MAN2B1: variants seen among roughly 807,000 people sequenced by gnomAD.
MAN2B1 encodes lysosomal alpha-mannosidase.
Under a neutral mutation model 127.5 loss-of-function variants are expected in MAN2B1, and 99 were observed. That is an observed-to-expected ratio of 0.78 (90% CI 0.66 to 0.92). MAN2B1 has a LOEUF of 0.92. MAN2B1 is among the 40% of genes least tolerant of loss of function. The pLI is 0.00. For missense variants in MAN2B1, 1,304 were observed against 1,384.8 expected (o/e 0.94, Z 0.93); for synonymous variants, 573 against 568.8 (o/e 1.01, Z -0.11).
rs1308687013 is a variant in MAN2B1, at chr19:12,652,431, T to C, written c.1860A>G (p.Thr620=). The change falls in exon 15 of 24, where the codon ACA becomes ACG. Residue 620 remains threonine, a synonymous_variant. Coordinates refer to ENST00000456935, the MANE Select transcript of MAN2B1 (RefSeq NM_000528.4). ...EHIRATFDPD[T]GLLMEIMNMN... ...TGTTCATAATCTCCATCAACAGCCCTGTGTCAGGATCAAACGTTGCCCGGA... is the reference window on the plus strand; with the variant it reads ...TGTTCATAATCTCCATCAACAGCCCCGTGTCAGGATCAAACGTTGCCCGGA... The C allele has an allele frequency of 1.9e-6, 3 of 1,614,106 alleles. No homozygotes were observed. The highest frequency in any genetic ancestry group is 2.5e-6 in the Non-Finnish European group (3 of 1,180,010).
intron 12 of MAN2B1, 122 bp from the exon 13 acceptor site, chr19:12,656,809 C>G: frequency 9.6e-7 from 1 of 1,037,944 alleles, no homozygotes; most frequent in Non-Finnish European, 1.5e-6. Context: ...GCCAAGCCCC[C>G]TCGAGATGCG....
chr19:12,655,360 C>T (rs1211851446), intron 14 of MAN2B1, among the ~76,000 whole-genome samples: 1 of 152,162 alleles, frequency 6.6e-6, no homozygotes, highest in Non-Finnish European at 1.5e-5. Context: ...CTTCAAATAG[C>T]CACACGGCTC....
chr19:12,657,355 G>A (rs1037121387), intron 11 of MAN2B1, 91 bp downstream of exon 11: 495 of 1,122,770 alleles, frequency 4.4e-4, no homozygotes, highest in Non-Finnish European at 5.8e-4. Flanking sequence ...TCTCGGCTAC[G>A]CCTCACACCT....
At chr19:12,656,528 G>T (rs374780630) in intron 13 of MAN2B1, 43 bp downstream of exon 13, 3 of 1,419,514 alleles carry the variant, frequency 2.1e-6, no homozygotes, top group African/African-American at 2.8e-5. Flanking sequence ...ATGCCCACTG[G>T]GGGAGGAGTC....
intron 14 of MAN2B1, 76 bp from the exon 15 acceptor site, chr19:12,652,536 CTTTTTTT>C: frequency 1.3e-6 from 1 of 779,460 alleles, no homozygotes; most frequent in Non-Finnish European, 2.1e-6. Flanking sequence ...TTTCTTTTTT[CTTTTTTT>C]TTTTTTGAGA....
At chr19:12,657,079 C>A (rs1443075915) in intron 11 of MAN2B1, 23 bp from the exon 12 acceptor site, 1 of 1,480,076 alleles carries the variant, frequency 6.8e-7, no homozygotes, top group Non-Finnish European at 9.3e-7. Context: ...GCAAAGGGAC[C>A]GGTGGGTTCA....
chr19:12,652,277 T>A lies in MAN2B1; in HGVS notation c.1929-7A>T, dbSNP rs372416386. On this transcript the variant is annotated splice_polypyrimidine_tract_variant and splice_region_variant and intron_variant, in intron 15 of 23. Coordinates refer to ENST00000456935, the MANE Select transcript of MAN2B1 (RefSeq NM_000528.4). ...ACCTATACTGGCGTTGTACCTGGAGTTGGGGCAGGTGAGAGTCAGGTAAGG... is the reference window on the plus strand; with the variant it reads ...ACCTATACTGGCGTTGTACCTGGAGATGGGGCAGGTGAGAGTCAGGTAAGG... 1 of 1,612,674 alleles carries A rather than the reference T, an allele frequency of 6.2e-7. No individual in the cohort carries two copies. The highest frequency in any genetic ancestry group is 2.2e-5 in the East Asian group (1 of 44,858).
rs200803698 is a variant in MAN2B1 at position 12,648,001 on chromosome 19, G to A, written c.2664+174C>T. Among the ~76,000 whole-genome samples, 158 of 152,262 alleles carry A rather than the reference G, an allele frequency of 1.0e-3. 2 individuals carry two copies. In the East Asian group the frequency reaches 0.028, roughly 27 times the overall value. ...CTGTGCCTCTACACAGTCCAGGGGG[G>A]TTGGGACTGGGCTGGCACTGGGCGG... On this transcript the variant is annotated intron_variant, in intron 21 of 23. Coordinates refer to ENST00000456935, the MANE Select transcript of MAN2B1 (RefSeq NM_000528.4).
At chr19:12,658,792 A>G in intron 7 of MAN2B1, 1 of 470,360 alleles carries the variant, frequency 2.1e-6, no homozygotes, top group South Asian at 2.1e-5. Flanking sequence ...TTTGTGGAAA[A>G]ACTAAGTGTG....
In MAN2B1 at chr19:12,664,807, G is replaced by A. The variant is rs1308263822; in HGVS notation, c.615C>T (p.Ala205=). The stretch of plus-strand genomic sequence containing the variant: ...CGGGTCGCACCTGCGCAAACAGCGA[G>A]GCCTGCTCCCGAGAGTGGCCGAAGG... ...IDPFGHSREQ[A]SLFAQMGFDG... Residue 205 remains alanine (A), a synonymous_variant, in exon 4 of 24, where the codon GCC becomes GCT. Transcript: ENST00000456935. 1 of 1,613,528 alleles carries A rather than the reference G, an allele frequency of 6.2e-7. No individual in the cohort carries two copies. Among genetic ancestry groups the A allele is most frequent in the Non-Finnish European group, 8.5e-7 (1 of 1,179,860 alleles).
intron 16 of MAN2B1, among the ~76,000 whole-genome samples, chr19:12,651,146 G>A (rs912914020): frequency 9.2e-5 from 14 of 152,070 alleles, no homozygotes; most frequent in South Asian, 8.3e-4. Flanking sequence ...ACTCTTGAGC[G>A]TGGCATAAAC....
intron 14 of MAN2B1, 26 bp downstream of exon 14, chr19:12,655,668 G>A: frequency 1.2e-6 from 2 of 1,601,702 alleles, no homozygotes; most frequent in East Asian, 2.2e-5. Context: ...ACAGGAGCAG[G>A]AAAGGGGATT....
At chr19:12,665,863 CAGAGTAAGTCTTGATCT>C in intron 1 of MAN2B1, 58 bp from the exon 2 acceptor site, 1 of 1,357,238 alleles carries the variant, frequency 7.4e-7, no homozygotes, top group Non-Finnish European at 1.0e-6. Flanking sequence ...TCGGGGGCTG[CAGAGTAAGTCTTGATCT>C]AGAGGTGAGT....
chr19:12,652,306 C>G, intron 15 of MAN2B1, 36 bp from the exon 16 acceptor site: 2 of 1,609,078 alleles, frequency 1.2e-6, no homozygotes, highest in Non-Finnish European at 1.7e-6. Flanking sequence ...GGTAAGGGGC[C>G]CTAGCTCCAT....
chr19:12,647,645 A>T lies in MAN2B1; in HGVS notation c.2665-47T>A, dbSNP rs1246754802. Reference sequence around the variant, plus strand: ...TGAGTTGGAGAGGGGCGGGGCCTGGATGGAGAAGGGCGGGGCCGAGCCAGG... The same window carrying T: ...TGAGTTGGAGAGGGGCGGGGCCTGGTTGGAGAAGGGCGGGGCCGAGCCAGG... On this transcript the variant is annotated intron_variant, in intron 21 of 23. Coordinates refer to ENST00000456935, the MANE Select transcript of MAN2B1 (RefSeq NM_000528.4). The surrounding 1 kb of genome is among the most constrained non-coding windows in gnomAD (Gnocchi z 4.9). 2 of 1,509,848 alleles carry T rather than the reference A, an allele frequency of 1.3e-6. No individual in the cohort carries two copies. Among genetic ancestry groups the T allele is most frequent in the African/African-American group, 1.5e-5 (1 of 68,682 alleles). 93.5% of individuals were successfully genotyped at this position (1,509,848 alleles called of 1,614,324 possible).
In MAN2B1 at chr19:12,664,798, A is replaced by C. The variant is rs374524357; in HGVS notation, c.624T>G (p.Phe208Leu). ...FGHSREQASL[F>L]AQMGFDGFFF... ...GAGAGGTCCCGGGTCGCACCTGCGC[A>C]AACAGCGAGGCCTGCTCCCGAGAGT... Residue 208 changes from phenylalanine (F) to leucine (L), a missense_variant, in exon 4 of 24, where the codon TTT (phenylalanine) becomes TTG (leucine). Physicochemically the swap from Phe to Leu is conservative, Grantham distance 22. Transcript: ENST00000456935. 1.9e-6 allele frequency: 3 copies of C among 1,613,068 alleles called. No homozygotes were observed. The highest frequency in any genetic ancestry group is 2.5e-6 in the Non-Finnish European group (3 of 1,179,798).
chr19:12,657,718 A>G (rs2145257907), intron 10 of MAN2B1, 163 bp from the exon 11 acceptor site: 2 of 697,518 alleles, frequency 2.9e-6, no homozygotes, highest in Middle Eastern at 3.0e-4. Context: ...CAGCACTTTG[A>G]GAGACCGAGG....
chr19:12,656,837 C>T (rs2023973536), intron 12 of MAN2B1, 112 bp downstream of exon 12: 1 of 1,088,766 alleles, frequency 9.2e-7, no homozygotes, highest in Middle Eastern at 2.0e-4. Context: ...CTCTGCTGAC[C>T]CAGCTTCGCA....
intron 10 of MAN2B1, 59 bp downstream of exon 10, chr19:12,658,004 C>A: frequency 1.6e-6 from 2 of 1,272,230 alleles, no homozygotes. Context: ...GGGGGGCGGC[C>A]TAGGGGTGGT....
Sources: allele counts gnomAD v4.1 joint callset (sites outside exome capture counted in the v4.1 genomes callset), GRCh38; gene constraint gnomAD v4.1.1; non-coding constraint Gnocchi (gnomAD v3.1); transcripts MANE v1.5; gene names NCBI Gene and HGNC (gene_info 2026-07-23, HGNC 2026-07-21).